Variants in RPRD2 observed in about 807,000 individuals in gnomAD.
RPRD2 encodes the protein regulation of nuclear pre-mRNA domain containing 2.
RPRD2 carries 12 observed loss-of-function variants against 104.4 expected under a neutral mutation model. The observed-to-expected ratio is 0.11, with a 90% confidence interval of 0.07 to 0.19. RPRD2 has a LOEUF of 0.19. Ranked by LOEUF, RPRD2 falls within the 10% of genes least tolerant of loss-of-function variation. RPRD2 has a pLI of 1.00. For synonymous variants in RPRD2, 714 were observed against 684.9 expected, an observed-to-expected ratio of 1.04 and a Z score of -0.66; for missense variants, 1,543 against 1,790.1, an observed-to-expected ratio of 0.86 and a Z score of 2.49.
chr1:150,444,520 A>C, intron 6 of RPRD2, 143 bp downstream of exon 6: 1 of 708,702 alleles, frequency 1.4e-6, no homozygotes, highest in South Asian at 2.1e-5. Flanking sequence ...TAGTTATTTC[A>C]TGCATATAAA....
intron 2 of RPRD2, among the ~76,000 whole-genome samples, chr1:150,428,557 C>T (rs1047241417): frequency 6.6e-6 from 1 of 151,904 alleles, no homozygotes; most frequent in Non-Finnish European, 1.5e-5. Flanking sequence ...GGTGATCCTT[C>T]CTCCCTCCCT....
At chr1:150,380,640 C>T (rs1553880609) in intron 1 of RPRD2, among the ~76,000 whole-genome samples, 1 of 151,386 alleles carries the variant, frequency 6.6e-6, no homozygotes. Flanking sequence ...AGCCACCACA[C>T]CCGGCTCCTA....
chr1:150,386,130 T>A (rs1273630954), intron 1 of RPRD2, among the ~76,000 whole-genome samples: 1 of 152,204 alleles, frequency 6.6e-6, no homozygotes, highest in South Asian at 2.1e-4. Flanking sequence ...TATTTTTATT[T>A]ATTTATTTAT....
At chr1:150,414,130 G>A (rs1266904798) in intron 1 of RPRD2, among the ~76,000 whole-genome samples, 1 of 152,070 alleles carries the variant, frequency 6.6e-6, no homozygotes, top group Non-Finnish European at 1.5e-5. Flanking sequence ...TGAAGTGGAT[G>A]TGTACATTGA....
At chr1:150,447,266 T>G (rs1666846006) in intron 7 of RPRD2, among the ~76,000 whole-genome samples, 1 of 151,858 alleles carries the variant, frequency 6.6e-6, no homozygotes, top group Admixed American at 6.6e-5. Context: ...TTACTTTTTT[T>G]CTTAACCAGA....
intron 2 of RPRD2, among the ~76,000 whole-genome samples, chr1:150,418,479 G>A (rs1331583940): frequency 1.3e-5 from 2 of 152,014 alleles, no homozygotes; most frequent in African/African-American, 4.8e-5. Flanking sequence ...AAAGAGAAAC[G>A]GAAATTATTT....
chr1:150,400,571 C>G (rs1368983372), intron 1 of RPRD2, among the ~76,000 whole-genome samples: 5 of 152,148 alleles, frequency 3.3e-5, no homozygotes, highest in Non-Finnish European at 7.3e-5. Context: ...TGCCACTGAT[C>G]TGACAGGATT....
At chr1:150,364,990 G>T in intron 1 of RPRD2, 71 bp downstream of exon 1, 1 of 1,506,798 alleles carries the variant, frequency 6.6e-7, no homozygotes, top group East Asian at 2.3e-5. Flanking sequence ...AAACGCTTGG[G>T]GTTTTCCCAC....
rs371243212 is a variant in RPRD2, at chr1:150,446,328, C to T, written c.797C>T (p.Ser266Leu). 9.4e-5 allele frequency: 152 copies of T among 1,612,754 alleles called. No individual in the cohort carries two copies. In the African/African-American group the frequency reaches 1.8e-3, roughly 19 times the overall value. ...GATAAGCAGGTGAAAAACGGACCCT[C>T]ATTAACAGAAGCACTGGAAAATGCT... ...GLDKQVKNGP[S>L]LTEALENAGI... Residue 266 changes from serine (S) to leucine (L), a missense_variant, in exon 7 of 11, where the codon TCA becomes TTA. Ser to Leu is a moderately radical substitution (Grantham distance 145). Around this residue, in one of 4 missense-constraint regions of RPRD2, gnomAD observed 572 missense variants for 787.3 expected, o/e 0.73. Transcript: ENST00000369068.
chr1:150,460,007 A>G, intron 8 of RPRD2, 53 bp from the exon 9 acceptor site: 1 of 1,566,746 alleles, frequency 6.4e-7, no homozygotes. Flanking sequence ...TCATATAGGA[A>G]GCAAAGTCTG....
intron 1 of RPRD2, among the ~76,000 whole-genome samples, chr1:150,376,658 G>T (rs1017633155): frequency 6.6e-6 from 1 of 151,528 alleles, no homozygotes; most frequent in Non-Finnish European, 1.5e-5. Context: ...CCGCCACCAC[G>T]CCCGGCTGAT....
At chr1:150,372,492 C>CACACACACACAG (rs1660386817) in intron 1 of RPRD2, among the ~76,000 whole-genome samples, 1 of 119,286 alleles carries the variant, frequency 8.4e-6, no homozygotes, top group South Asian at 2.4e-4. Context: ...AAAAGAAACA[C>CACACACACACAG]ACACACACAC....
intron 1 of RPRD2, among the ~76,000 whole-genome samples, chr1:150,392,118 G>A (rs1006469309): frequency 6.8e-6 from 1 of 147,880 alleles, no homozygotes; most frequent in South Asian, 2.2e-4. Flanking sequence ...ACCGGGAGGC[G>A]GAGGTTGCAG....
intron 7 of RPRD2, among the ~76,000 whole-genome samples, chr1:150,447,652 C>T (rs868988618): frequency 1.3e-5 from 2 of 152,014 alleles, no homozygotes; most frequent in Admixed American, 1.3e-4. Flanking sequence ...TCTTTTTATT[C>T]CCCCAAGAAA....
chr1:150,372,381 T>A (rs1660376476), intron 1 of RPRD2, among the ~76,000 whole-genome samples: 1 of 152,042 alleles, frequency 6.6e-6, no homozygotes. Flanking sequence ...TCCCAGCTAC[T>A]TGGGAGGCTG....
At chr1:150,417,810 T>C in intron 2 of RPRD2, 85 bp downstream of exon 2, 2 of 1,020,330 alleles carry the variant, frequency 2.0e-6, no homozygotes, top group Non-Finnish European at 1.3e-6. Context: ...ACTGTAATAA[T>C]TGAACATGCT....
chr1:150,461,272 A>G (rs1287139809), intron 9 of RPRD2, among the ~76,000 whole-genome samples: 5 of 151,878 alleles, frequency 3.3e-5, no homozygotes, highest in South Asian at 2.1e-4. Flanking sequence ...ATAAATATCT[A>G]TAATCCTGTT....
intron 2 of RPRD2, among the ~76,000 whole-genome samples, chr1:150,439,670 T>C (rs1666280851): frequency 6.7e-6 from 1 of 149,934 alleles, no homozygotes; most frequent in African/African-American, 2.5e-5. Context: ...GTTTGGTGGA[T>C]TCACTTAAGG....
In RPRD2 at chr1:150,460,102, C is replaced by A. The variant is rs372494231; in HGVS notation, c.1196C>A (p.Ser399Tyr). The A allele has an allele frequency of 3.1e-5, 50 of 1,613,746 alleles. No individual in the cohort carries two copies. Among genetic ancestry groups the A allele is most frequent in the Non-Finnish European group, 4.2e-5 (49 of 1,179,798 alleles). ...AAACCTGCAGAGAAGTCAGCTGTAT[C>A]CACTTCTGTACCTACAAAGCCAACA... ...KEKPAEKSAV[S>Y]TSVPTKPTEN... The change falls in exon 9 of 11, where the codon TCC (serine) becomes TAC (tyrosine). Residue 399 changes from serine (S) to tyrosine (Y), a missense_variant. This residue lies in a region of RPRD2 where 572 missense variants were observed against 787.3 expected (regional missense o/e 0.73). Transcript: ENST00000369068.
Sources: gnomAD v4.1 joint callset for allele counts (sites outside exome capture counted in the v4.1 genomes callset) on GRCh38, gnomAD v4.1.1 for gene constraint, gnomAD v4.1.1 regional missense constraint, MANE v1.5 for transcripts, NCBI Gene and HGNC (gene_info 2026-07-23, HGNC 2026-07-21) for gene names.